PRKG1: variants seen among roughly 807,000 people sequenced by gnomAD.
The protein encoded by PRKG1 is cGMP-dependent protein kinase 1.
A neutral mutation model predicts 88.1 loss-of-function variants in PRKG1; 35 were observed. That is an observed-to-expected ratio of 0.40 (90% CI 0.30 to 0.53). The LOEUF (loss-of-function observed/expected upper bound fraction) is 0.53, where lower values mean the gene tolerates loss of function less well. PRKG1 is among the 20% of genes least tolerant of loss of function. PRKG1 has a pLI of 0.59. For synonymous variants in PRKG1, 303 were observed against 292.5 expected, an observed-to-expected ratio of 1.04 and a Z score of -0.37; for missense variants, 540 against 839.8, an observed-to-expected ratio of 0.64 and a Z score of 4.41.
At chr10:51,357,337 T>G (rs1395732236) in intron 2 of PRKG1, among the ~76,000 whole-genome samples, 1 of 151,934 alleles carries the variant, frequency 6.6e-6, no homozygotes, top group Non-Finnish European at 1.5e-5. Context: ...TAAGATTGCT[T>G]AACTTCCCTG....
At chr10:51,092,419 TGAA>T (rs1844420991) in intron 1 of PRKG1, among the ~76,000 whole-genome samples, 1 of 152,174 alleles carries the variant, frequency 6.6e-6, no homozygotes, top group South Asian at 2.1e-4. Context: ...TGAAAGCAGA[TGAA>T]GAAGACGAAA....
At chr10:52,020,947 G>C (rs1845167922) in intron 5 of PRKG1, among the ~76,000 whole-genome samples, 1 of 152,062 alleles carries the variant, frequency 6.6e-6, no homozygotes, top group Non-Finnish European at 1.5e-5. Context: ...TCTCCCTGGT[G>C]CCTGCTGCCA....
chr10:51,654,145 G>T (rs1224973512), intron 3 of PRKG1, among the ~76,000 whole-genome samples: 2 of 151,812 alleles, frequency 1.3e-5, no homozygotes, highest in Non-Finnish European at 2.9e-5. Flanking sequence ...TCTTCTAGAG[G>T]TTTTATAATT....
In PRKG1 at chr10:51,261,310, G is replaced by A. The variant is rs541251346; in HGVS notation, c.478+107980G>A. ...TTCTAGATTCAGAGATATTCCTAGA[G>A]CCTAAAATCAAATATCTGTATTTCT... On this transcript the variant is annotated intron_variant, in intron 2 of 17. Transcript: ENST00000373980. Among the ~76,000 whole-genome samples the A allele has an allele frequency of 5.3e-5, 8 of 152,296 alleles. No individual in the cohort carries two copies. The South Asian group carries it at 1.4e-3, about 28-fold the overall frequency.
intron 1 of PRKG1, among the ~76,000 whole-genome samples, chr10:51,020,405 A>G (rs1444741054): frequency 6.6e-6 from 1 of 152,162 alleles, no homozygotes; most frequent in African/African-American, 2.4e-5. Context: ...CCGTTTAACA[A>G]CATTTTTTAG....
intron 1 of PRKG1, among the ~76,000 whole-genome samples, chr10:51,125,504 G>A (rs1845372909): frequency 6.7e-6 from 1 of 150,070 alleles, no homozygotes; most frequent in African/African-American, 2.4e-5. Flanking sequence ...CCAACATAGT[G>A]AAACCCTGTC....
At position 51,810,175 on chromosome 10, in the gene PRKG1, T is replaced by G. The variant is rs1290450565; in HGVS notation, c.698+5485T>G. Reference sequence around the variant, plus strand: ...TAGTATTCACCACTGAGCTTTACATTATATTTTCAATACAAATAATTGTAA... The same window carrying G: ...TAGTATTCACCACTGAGCTTTACATGATATTTTCAATACAAATAATTGTAA... On this transcript the variant is annotated intron_variant, in intron 4 of 17. Coordinates refer to ENST00000373980, the MANE Select transcript of PRKG1 (RefSeq NM_006258.4). Among the ~76,000 whole-genome samples the G allele has an allele frequency of 5.3e-5, 8 of 152,214 alleles. No homozygotes were observed. The East Asian group carries it at 1.3e-3, about 26-fold the overall frequency.
chr10:51,215,674 A>G (rs1006305550), intron 2 of PRKG1, among the ~76,000 whole-genome samples: 7 of 152,184 alleles, frequency 4.6e-5, no homozygotes, highest in Non-Finnish European at 7.3e-5. Context: ...TCATTGATCA[A>G]CATTCTTTGT....
chr10:51,944,100 A>G (rs981991695), intron 5 of PRKG1, among the ~76,000 whole-genome samples: 9 of 151,908 alleles, frequency 5.9e-5, no homozygotes, highest in East Asian at 1.9e-4. Flanking sequence ...CTTTTTGGTT[A>G]GTAAGCTATT....
intron 9 of PRKG1, among the ~76,000 whole-genome samples, chr10:52,246,244 T>C (rs958403624): frequency 2.0e-5 from 3 of 152,166 alleles, no homozygotes; most frequent in Non-Finnish European, 4.4e-5. Flanking sequence ...TGATTCTTAT[T>C]CCTTGGTTTT....
At chr10:51,725,260 G>A (rs1842104021) in intron 3 of PRKG1, among the ~76,000 whole-genome samples, 2 of 152,144 alleles carry the variant, frequency 1.3e-5, no homozygotes, top group Non-Finnish European at 2.9e-5. Context: ...TGGCAACAAC[G>A]AAAACTTCAG....
At chr10:52,169,241 A>G (rs1379008048) in intron 9 of PRKG1, among the ~76,000 whole-genome samples, 2 of 152,220 alleles carry the variant, frequency 1.3e-5, no homozygotes, top group South Asian at 2.1e-4. Context: ...TCAGGCTGCT[A>G]TAACAAAATA....
intron 4 of PRKG1, among the ~76,000 whole-genome samples, chr10:51,855,917 G>C (rs1840668567): frequency 6.6e-6 from 1 of 152,144 alleles, no homozygotes; most frequent in Non-Finnish European, 1.5e-5. Context: ...TAGTTCTGGA[G>C]GGAAGAAATC....
chr10:51,072,112 T>C (rs2132798553), upstream of PRKG1, among the ~76,000 whole-genome samples: 2 of 152,238 alleles, frequency 1.3e-5, 1 homozygote. Flanking sequence ...GGAGAATCAC[T>C]TGAATCCAGG....
At chr10:51,816,572 T>TAA (rs1839593441) in intron 4 of PRKG1, among the ~76,000 whole-genome samples, 1 of 151,356 alleles carries the variant, frequency 6.6e-6, no homozygotes, top group Non-Finnish European at 1.5e-5. Context: ...TGTGTGTGTG[T>TAA]AATCATCCAT....
chr10:52,063,288 G>T (rs7917737), intron 7 of PRKG1, among the ~76,000 whole-genome samples: 14,778 of 152,274 alleles, frequency 0.097, 1,252 homozygotes, highest in East Asian at 0.32. Context: ...AGCTCCAGGT[G>T]CTGGCATGGG....
intron 2 of PRKG1, among the ~76,000 whole-genome samples, chr10:51,372,229 T>C (rs1024850503): frequency 3.9e-5 from 6 of 152,228 alleles, no homozygotes; most frequent in African/African-American, 1.4e-4. Flanking sequence ...TTATCGTTTT[T>C]TATATCAGCC....
chr10:51,215,829 T>A (rs1337742583), intron 2 of PRKG1, among the ~76,000 whole-genome samples: 1 of 152,154 alleles, frequency 6.6e-6, no homozygotes, highest in Non-Finnish European at 1.5e-5. Flanking sequence ...ATTCTAGTAG[T>A]TATAACAGTG....
chr10:51,465,146 T>C (rs542864201), intron 2 of PRKG1, among the ~76,000 whole-genome samples: 1 of 152,302 alleles, frequency 6.6e-6, no homozygotes, highest in South Asian at 2.1e-4. Flanking sequence ...TATTCACTCT[T>C]TCCTATGGGG....
Sources: allele counts gnomAD v4.1 joint callset (sites outside exome capture counted in the v4.1 genomes callset), GRCh38; gene constraint gnomAD v4.1.1; transcripts MANE v1.5; gene names NCBI Gene and HGNC (gene_info 2026-07-23, HGNC 2026-07-21).